Variants in CPEB2 observed in about 807,000 individuals in gnomAD.
CPEB2 encodes the protein cytoplasmic polyadenylation element-binding protein 2.
Under a neutral mutation model 93.6 loss-of-function variants are expected in CPEB2, and 56 were observed. That is an observed-to-expected ratio of 0.60 (90% CI 0.48 to 0.75). The LOEUF is 0.75. CPEB2 is among the 30% of genes least tolerant of loss of function. The pLI is 0.00. For synonymous variants in CPEB2, 764 were observed against 586.3 expected (o/e 1.30, Z -4.38); for missense variants, 1,579 against 1,395.1 (o/e 1.13, Z -2.10).
intron 8 of CPEB2, among the ~76,000 whole-genome samples, chr4:15,055,655 C>A (rs1728645264): frequency 6.6e-6 from 1 of 152,114 alleles, no homozygotes; most frequent in African/African-American, 2.4e-5. Flanking sequence ...GGTGCTATTC[C>A]TTACTTACCT....
chr4:15,046,175 C>T (rs1236836019), intron 6 of CPEB2, among the ~76,000 whole-genome samples: 1 of 152,002 alleles, frequency 6.6e-6, no homozygotes, highest in East Asian at 1.9e-4. Context: ...TTATTAGAAA[C>T]TGCCAAATAG....
intron 4 of CPEB2, among the ~76,000 whole-genome samples, chr4:15,028,026 C>G (rs1725666448): frequency 6.6e-6 from 1 of 152,108 alleles, no homozygotes; most frequent in South Asian, 2.1e-4. Flanking sequence ...TAATTCTAAC[C>G]TAAACTCTTT....
Position 15,058,538 on chromosome 4 carries a change from C to T in CPEB2, c.2579C>T (p.Pro860Leu). ...CVSSPTIKDK[P>L]VQIRPWNLSD... ...TCTAGCCCTACTATCAAGGACAAAC[C>T]AGTAAGTAAATACCACATGAACTTC... is the stretch of plus-strand genomic sequence containing the variant. Residue 860 changes from proline to leucine, a missense_variant and splice_region_variant, in exon 9 of 12, where the codon CCA becomes CTA. Physicochemically the swap from Pro to Leu is moderately conservative, Grantham distance 98. Transcript: ENST00000538197. The T allele has an allele frequency of 6.5e-7, 1 of 1,547,200 alleles. No individual in the cohort carries two copies. Among genetic ancestry groups the T allele is most frequent in the Non-Finnish European group, 8.9e-7 (1 of 1,122,816 alleles).
intron 10 of CPEB2, 39 bp downstream of exon 10, chr4:15,059,340 T>A (rs1728988258): frequency 1.6e-6 from 2 of 1,271,790 alleles, no homozygotes; most frequent in Admixed American, 1.7e-5. Flanking sequence ...AAAAAATCAT[T>A]TAAATATGTC....
At chr4:15,036,628 C>CT (rs897862398) in intron 5 of CPEB2, among the ~76,000 whole-genome samples, 1 of 152,084 alleles carries the variant, frequency 6.6e-6, no homozygotes, top group African/African-American at 2.4e-5. Flanking sequence ...TTCTTTACCC[C>CT]TTTCTCAAGG....
rs1219130415 is a variant in CPEB2 at position 15,040,318 on chromosome 4, CTT to C, written c.2177-145_2177-144del. ...TTGTAGAATGGTAAAACATTTAAAT[CTT>C]ATATGGTGACATTGTCATTGCTCTT... On this transcript the variant is annotated intron_variant, in intron 5 of 11. Transcript: ENST00000538197. The C allele has an allele frequency of 8.0e-6, 5 of 625,838 alleles. No individual in the cohort carries two copies. In the African/African-American group the frequency reaches 9.1e-5, roughly 11 times the overall value. The allele number at this position is 625,838 out of a possible 1,614,324, so 38.8% of individuals were successfully genotyped here. A position where few individuals can be genotyped will look rare whatever the true frequency, so the allele number is the denominator to read the frequency against.
At chr4:15,064,664 A>T (rs542144866) in intron 11 of CPEB2, among the ~76,000 whole-genome samples, 44 of 152,210 alleles carry the variant, frequency 2.9e-4, no homozygotes, top group African/African-American at 9.9e-4. Context: ...TAGCATTTCT[A>T]CTTCGTGCTA....
At chr4:15,023,869 T>G (rs1456496785) in intron 4 of CPEB2, among the ~76,000 whole-genome samples, 2 of 152,030 alleles carry the variant, frequency 1.3e-5, no homozygotes, top group Non-Finnish European at 2.9e-5. Context: ...CTTCAATATT[T>G]CCCCTACTCT....
Position 15,060,919 on chromosome 4 carries a change from A to C in CPEB2, c.2696-1160A>C, listed in dbSNP as rs560718145. Among the ~76,000 whole-genome samples, 24 of 152,286 alleles carry C rather than the reference A, an allele frequency of 1.6e-4. No homozygotes were observed. The South Asian group carries it at 5.0e-3, about 32-fold the overall frequency. On this transcript the variant is annotated intron_variant, in intron 10 of 11. Coordinates refer to ENST00000538197, the MANE Select transcript of CPEB2 (RefSeq NM_001177382.2). Reference sequence around the variant, plus strand: ...GGCAATTGGACTCTAGATATGTTTTAAAATCAAGTTTACAGGATTGCATGT... The same window carrying C: ...GGCAATTGGACTCTAGATATGTTTTCAAATCAAGTTTACAGGATTGCATGT...
chr4:15,005,766 T>C (rs1577354995), intron 1 of CPEB2, among the ~76,000 whole-genome samples: 1 of 152,236 alleles, frequency 6.6e-6, no homozygotes, highest in Admixed American at 6.5e-5. Flanking sequence ...CACTGATTTC[T>C]TTCTTAGAAA....
chr4:15,059,399 T>C (rs1464543511), intron 10 of CPEB2, 98 bp downstream of exon 10: 27 of 732,908 alleles, frequency 3.7e-5, no homozygotes, highest in East Asian at 3.3e-4. Flanking sequence ...ATGACACTAT[T>C]GGACAGAGCA....
intron 11 of CPEB2, 118 bp downstream of exon 11, chr4:15,062,378 C>T (rs1729272032): frequency 1.6e-6 from 1 of 610,146 alleles, no homozygotes; most frequent in Admixed American, 2.9e-5. Flanking sequence ...TTCTGTAAGT[C>T]TTAAAGGATA....
At position 15,007,370 on chromosome 4, in the gene CPEB2, C is replaced by T. The variant is rs941460362; in HGVS notation, c.1728C>T (p.Ser576=). The T allele has an allele frequency of 1.2e-6, 2 of 1,610,904 alleles. No homozygotes were observed. Among genetic ancestry groups the T allele is most frequent in the South Asian group, 1.1e-5 (1 of 90,602 alleles). Reference sequence around the variant, plus strand: ...GTGGCTGGGGCACTGGAAGTATGTCCTGGGGAGCAATGCATGGCAGAGATC... The same window carrying T: ...GTGGCTGGGGCACTGGAAGTATGTCTTGGGGAGCAATGCATGGCAGAGATC... ...QSSGWGTGSM[S]WGAMHGRDHR... The change falls in exon 2 of 12, where the codon TCC becomes TCT. Residue 576 remains serine (S), a synonymous_variant. Coordinates refer to ENST00000538197, the MANE Select transcript of CPEB2 (RefSeq NM_001177382.2).
chr4:15,054,269 A>G (rs776901996), intron 8 of CPEB2, 52 bp downstream of exon 8: 5 of 1,290,030 alleles, frequency 3.9e-6, no homozygotes, highest in Non-Finnish European at 4.4e-6. Context: ...TATGAGAGCA[A>G]AAGAAAGAAT....
chr4:15,014,606 G>C (rs1723880966), intron 3 of CPEB2, among the ~76,000 whole-genome samples: 1 of 151,968 alleles, frequency 6.6e-6, no homozygotes, highest in Admixed American at 6.6e-5. Flanking sequence ...TTCTGAGAAA[G>C]TTTTATAGTC....
chr4:15,023,610 A>C (rs916866816), intron 4 of CPEB2, among the ~76,000 whole-genome samples: 5 of 152,050 alleles, frequency 3.3e-5, no homozygotes, highest in Non-Finnish European at 5.9e-5. Flanking sequence ...TTTTTAAAAA[A>C]TTAGTTTAAA....
intron 6 of CPEB2, among the ~76,000 whole-genome samples, chr4:15,051,774 G>C (rs1728247808): frequency 6.6e-6 from 1 of 152,204 alleles, no homozygotes; most frequent in Non-Finnish European, 1.5e-5. Flanking sequence ...TACCCACAGA[G>C]TGGGGATTAC....
intron 5 of CPEB2, among the ~76,000 whole-genome samples, chr4:15,039,383 T>C (rs1179532102): frequency 6.6e-6 from 1 of 152,238 alleles, no homozygotes; most frequent in Non-Finnish European, 1.5e-5. Flanking sequence ...TTTTGATCTT[T>C]AAGTTTTATA....
At position 15,068,719 on chromosome 4, in the gene CPEB2, G is replaced by C. The variant is rs1041992599; in HGVS notation, c.*2339G>C. The C allele has an allele frequency of 2.0e-5, 3 of 152,072 alleles. No individual in the cohort carries two copies. Among genetic ancestry groups the C allele is most frequent in the African/African-American group, 7.3e-5 (3 of 41,366 alleles). 9.4% of individuals were successfully genotyped at this position (152,072 alleles called of 1,614,324 possible). A position where few individuals can be genotyped will look rare whatever the true frequency, so the allele number is the denominator to read the frequency against. On this transcript the variant is annotated 3_prime_UTR_variant, in exon 12 of 12. Transcript: ENST00000538197. ...ACAAATTATATAATTAAAATAATTG[G>C]AGATGTTGAAAATCATTTTCCCTTC...
Sources: allele counts gnomAD v4.1 joint callset (sites outside exome capture counted in the v4.1 genomes callset), GRCh38; gene constraint gnomAD v4.1.1; transcripts MANE v1.5; gene names NCBI Gene and HGNC (gene_info 2026-07-23, HGNC 2026-07-21).